LRRIQ1: variants seen among roughly 807,000 people sequenced by gnomAD.
The protein encoded by LRRIQ1 is leucine-rich repeat- and IQ domain-containing protein 1.
LRRIQ1 carries 210 observed loss-of-function variants against 211.9 expected under a neutral mutation model. The ratio of observed to expected loss-of-function variants is 0.99; its 90% CI spans 0.89 to 1.11. The LOEUF is 1.11. Among genes scored for constraint, LRRIQ1 ranks in the 50% most tolerant of loss-of-function variants. The pLI is 0.00. For missense variants in LRRIQ1, 2,136 were observed against 1,939.5 expected, an observed-to-expected ratio of 1.10 and a Z score of -1.90; for synonymous variants, 699 against 650.1, an observed-to-expected ratio of 1.08 and a Z score of -1.14.
chr12:85,061,400 A>G (rs1006204217), intron 8 of LRRIQ1, among the ~76,000 whole-genome samples: 5 of 151,732 alleles, frequency 3.3e-5, no homozygotes, highest in African/African-American at 1.2e-4. Flanking sequence ...TTTTTTTTAA[A>G]TGTTCAATGA....
At chr12:85,100,839 GA>G (rs1886295765) in intron 13 of LRRIQ1, among the ~76,000 whole-genome samples, 1 of 151,554 alleles carries the variant, frequency 6.6e-6, no homozygotes, top group African/African-American at 2.4e-5. Flanking sequence ...TTCAACCTTA[GA>G]ATATTTCACA....
At chr12:85,112,726 G>A (rs1220325494) in intron 15 of LRRIQ1, among the ~76,000 whole-genome samples, 2 of 152,040 alleles carry the variant, frequency 1.3e-5, no homozygotes, top group African/African-American at 4.8e-5. Context: ...ATTCAGATGC[G>A]ATTTCAGGGA....
intron 24 of LRRIQ1, among the ~76,000 whole-genome samples, chr12:85,192,619 T>C (rs1430696123): frequency 9.3e-6 from 1 of 107,188 alleles, no homozygotes; most frequent in Non-Finnish European, 1.7e-5. Context: ...TTATATACTA[T>C]AATTATAAAT....
At chr12:85,267,456 T>C (rs1428031125), downstream of LRRIQ1, among the ~76,000 whole-genome samples, 1 of 152,050 alleles carries the variant, frequency 6.6e-6, no homozygotes, top group Non-Finnish European at 1.5e-5. Context: ...TATAAGTATG[T>C]AGCTATTTGT....
rs767256064 is a variant in LRRIQ1 at position 85,051,549 on chromosome 12, TAC to T, written c.679-626_679-625del. 1.1e-4 allele frequency among the ~76,000 whole-genome samples: 16 copies of T among 152,334 alleles called. No homozygotes were observed. In the East Asian group the frequency reaches 2.7e-3, roughly 26 times the overall value. ...TTCTTGAAAACCTAGTGATTTCAAA[TAC>T]AGTCTTTTGCATAAAACCTTTCATG... is the stretch of plus-strand genomic sequence containing the variant. On this transcript the variant is annotated intron_variant, in intron 6 of 26. Transcript: ENST00000393217.
intron 11 of LRRIQ1, among the ~76,000 whole-genome samples, chr12:85,096,011 G>A (rs1330023510): frequency 6.6e-6 from 1 of 151,998 alleles, no homozygotes; most frequent in Non-Finnish European, 1.5e-5. Context: ...TGTAGTACCA[G>A]CTTTGTTGTT....
At chr12:85,067,851 A>AT (rs1374235907) in intron 10 of LRRIQ1, among the ~76,000 whole-genome samples, 3 of 151,878 alleles carry the variant, frequency 2.0e-5, no homozygotes, top group African/African-American at 7.2e-5. Flanking sequence ...CTTACCTCAC[A>AT]TTGAGTTCTG....
chr12:85,060,049 C>G (rs1881607960), intron 8 of LRRIQ1, among the ~76,000 whole-genome samples: 1 of 151,894 alleles, frequency 6.6e-6, no homozygotes, highest in African/African-American at 2.4e-5. Context: ...ACACCTTATG[C>G]AAATGCTTGA....
At chr12:85,207,312 T>C (rs897837652) in intron 24 of LRRIQ1, among the ~76,000 whole-genome samples, 1 of 152,142 alleles carries the variant, frequency 6.6e-6, no homozygotes, top group Non-Finnish European at 1.5e-5. Context: ...TCTTCTACTA[T>C]CCTGGTCTCT....
chr12:85,061,598 C>T (rs1481788924), intron 8 of LRRIQ1, among the ~76,000 whole-genome samples: 8 of 151,748 alleles, frequency 5.3e-5, no homozygotes, highest in Non-Finnish European at 1.0e-4. Context: ...TACTAAATCA[C>T]ACTGAATAAT....
intron 10 of LRRIQ1, among the ~76,000 whole-genome samples, chr12:85,067,732 A>G (rs1882594730): frequency 6.6e-6 from 1 of 151,510 alleles, no homozygotes; most frequent in South Asian, 2.1e-4. Flanking sequence ...TTACTCCATT[A>G]TTTTACATCA....
At chr12:85,178,085 C>T (rs1002118751) in intron 24 of LRRIQ1, among the ~76,000 whole-genome samples, 1 of 151,898 alleles carries the variant, frequency 6.6e-6, no homozygotes, top group Non-Finnish European at 1.5e-5. Context: ...TTTCCATTAT[C>T]GTTCAAAATT....
chr12:85,172,681 A>G (rs1266475665), intron 24 of LRRIQ1, among the ~76,000 whole-genome samples: 2 of 152,170 alleles, frequency 1.3e-5, no homozygotes, highest in African/African-American at 4.8e-5. Context: ...TAGGCTAGAA[A>G]GTAAATATGT....
intron 18 of LRRIQ1, among the ~76,000 whole-genome samples, chr12:85,134,013 CCA>C (rs1382702451): frequency 5.3e-5 from 8 of 152,212 alleles, no homozygotes; most frequent in African/African-American, 1.7e-4. Flanking sequence ...CTGCTCAGGA[CCA>C]CAGTCTCAAG....
At chr12:85,260,953 G>A (rs1896267169) in intron 1 of LRRIQ1, among the ~76,000 whole-genome samples, 1 of 152,160 alleles carries the variant, frequency 6.6e-6, no homozygotes, top group African/African-American at 2.4e-5. Flanking sequence ...GCTTGAAAGA[G>A]TTCTTGCCCT....
intron 24 of LRRIQ1, among the ~76,000 whole-genome samples, chr12:85,164,427 TG>T (rs962536132): frequency 6.6e-6 from 1 of 152,202 alleles, no homozygotes; most frequent in African/African-American, 2.4e-5. Flanking sequence ...TACTTAGGCA[TG>T]GGGAGTATTG....
At chr12:85,208,301 T>C (rs940037371) in intron 24 of LRRIQ1, among the ~76,000 whole-genome samples, 3 of 152,086 alleles carry the variant, frequency 2.0e-5, no homozygotes, top group Admixed American at 2.0e-4. Flanking sequence ...CTGAGAATTA[T>C]CTATCTAGAG....
chr12:85,124,139 T>G lies in LRRIQ1; in HGVS notation c.3627T>G (p.Thr1209=), dbSNP rs1018397549. 6.2e-7 allele frequency: 1 copy of G among 1,614,062 alleles called. No homozygotes were observed. Residue 1209 remains threonine, a synonymous_variant, in exon 17 of 27, where the codon ACT becomes ACG. Coordinates refer to ENST00000393217, the MANE Select transcript of LRRIQ1 (RefSeq NM_001079910.2). ...HYFKKLMILS[T]EYRHAHERGD... ...TTAAGAAATTGATGATACTTAGTACTGAATACCGACATGCACACGAACGAG... is the reference window on the plus strand; with the variant it reads ...TTAAGAAATTGATGATACTTAGTACGGAATACCGACATGCACACGAACGAG...
chr12:85,245,901 T>A (rs1489958169), downstream of LRRIQ1, among the ~76,000 whole-genome samples: 1 of 150,184 alleles, frequency 6.7e-6, no homozygotes, highest in African/African-American at 2.4e-5. Flanking sequence ...AGAGAGAGAC[T>A]CACACACACA....
Sources: allele counts gnomAD v4.1 joint callset (sites outside exome capture counted in the v4.1 genomes callset), GRCh38; gene constraint gnomAD v4.1.1; transcripts MANE v1.5; gene names NCBI Gene and HGNC (gene_info 2026-07-23, HGNC 2026-07-21).